RELN: variants seen among roughly 807,000 people sequenced by gnomAD.
The protein encoded by RELN is reelin.
In RELN, 108 loss-of-function variants were observed where a neutral mutation model predicts 427.6. That is an observed-to-expected ratio of 0.25 (90% CI 0.22 to 0.30). The LOEUF (loss-of-function observed/expected upper bound fraction) is 0.30, where lower values mean the gene tolerates loss of function less well. Ranked by LOEUF, RELN falls within the 10% of genes least tolerant of loss-of-function variation. The pLI is 1.00. For missense variants in RELN, 3,715 were observed against 4,302.8 expected, an observed-to-expected ratio of 0.86 and a Z score of 3.82; for synonymous variants, 1,524 against 1,513.4, an observed-to-expected ratio of 1.01 and a Z score of -0.16.
chr7:103,720,748 C>T (rs1303066569), intron 8 of RELN, among the ~76,000 whole-genome samples: 1 of 152,070 alleles, frequency 6.6e-6, no homozygotes, highest in Non-Finnish European at 1.5e-5. Flanking sequence ...TGGATACCCA[C>T]AATTATGGCA....
At chr7:103,891,234 C>G (rs1794842336) in intron 2 of RELN, among the ~76,000 whole-genome samples, 1 of 152,140 alleles carries the variant, frequency 6.6e-6, no homozygotes, top group Admixed American at 6.5e-5. Flanking sequence ...AGAATAAACT[C>G]TTCCATCTTA....
rs1832121066 is a variant in RELN at position 103,617,883 on chromosome 7, T to C, written c.2703-6080A>G. Among the ~76,000 whole-genome samples the C allele has an allele frequency of 5.9e-5, 9 of 152,238 alleles. No homozygotes were observed. The South Asian group carries it at 1.9e-3, about 32-fold the overall frequency. On this transcript the variant is annotated intron_variant, in intron 20 of 64. Transcript: ENST00000428762. ...TTGCTTTATTAGTTTCCCTGAGAGC[T>C]GGTTCTTAGAAACAGCCTGGTACCT...
In RELN at chr7:103,566,590, C is replaced by A; in HGVS notation, c.4747+11G>T. On this transcript the variant is annotated intron_variant, in intron 32 of 64. Coordinates refer to ENST00000428762, the MANE Select transcript of RELN (RefSeq NM_005045.4). ...AAAGCTACCAGAAAGCTGGAGTGAG[C>A]AGTAACTTACCATGTTGCGGTTGCC... 1.9e-6 allele frequency: 3 copies of A among 1,614,006 alleles called. No homozygotes were observed. The highest frequency in any genetic ancestry group is 2.5e-6 in the Non-Finnish European group (3 of 1,179,990).
intron 6 of RELN, among the ~76,000 whole-genome samples, chr7:103,737,921 C>G (rs1208789628): frequency 6.6e-6 from 1 of 151,962 alleles, no homozygotes; most frequent in Non-Finnish European, 1.5e-5. Context: ...TCTTCTTGTA[C>G]CACAGGACCT....
rs188277970 is a variant in RELN, at chr7:103,672,572, G to C, written c.1289+9544C>G. ...AGGAAGTAGTACATCTCTTTTAACA[G>C]CTTGCAACAAGTTTACCCTGATCCA... On this transcript the variant is annotated intron_variant, in intron 11 of 64. Transcript: ENST00000428762. Among the ~76,000 whole-genome samples the C allele has an allele frequency of 1.2e-4, 18 of 152,264 alleles. No homozygotes were observed. The East Asian group carries it at 1.7e-3, about 15-fold the overall frequency.
intron 1 of RELN, among the ~76,000 whole-genome samples, chr7:103,936,099 C>CTTTT (rs57827486): frequency 0.04 from 5,745 of 142,986 alleles, 216 homozygotes; most frequent in Admixed American, 0.077. Flanking sequence ...GCTTCAATGG[C>CTTTT]TTTTTTTTTT....
rs1484701749 is a variant in RELN, at chr7:103,537,778, C to A, written c.7180+1300G>T. Among the ~76,000 whole-genome samples the A allele has an allele frequency of 2.0e-5, 3 of 152,308 alleles. No homozygotes were observed. The East Asian group carries it at 5.8e-4, about 29-fold the overall frequency. On this transcript the variant is annotated intron_variant, in intron 45 of 64. Transcript: ENST00000428762. ...GGTCTGCTCTCAGTTTTAGGAGAACCCCACGTCAGCTTCTTTGCTTCTGCT... is the reference window on the plus strand; with the variant it reads ...GGTCTGCTCTCAGTTTTAGGAGAACACCACGTCAGCTTCTTTGCTTCTGCT...
At chr7:103,884,515 A>C (rs1794680495) in intron 2 of RELN, among the ~76,000 whole-genome samples, 2 of 152,206 alleles carry the variant, frequency 1.3e-5, no homozygotes, top group Admixed American at 1.3e-4. Flanking sequence ...ATGGGAGAAA[A>C]TTTTTGCAAT....
chr7:103,553,570 C>T lies in RELN; in HGVS notation c.5970-7G>A, dbSNP rs755935071. On this transcript the variant is annotated splice_region_variant and splice_polypyrimidine_tract_variant and intron_variant, in intron 39 of 64. Transcript: ENST00000428762. ...CATAGCTGAATCTTCTTCACTGTTA[C>T]ACAGGAAAACAACCAGGAATCCATT... 1 of 1,613,766 alleles carries T rather than the reference C, an allele frequency of 6.2e-7. No individual in the cohort carries two copies. Among genetic ancestry groups the T allele is most frequent in the African/African-American group, 1.3e-5 (1 of 75,044 alleles).
At chr7:103,940,732 A>G (rs912376656) in intron 1 of RELN, among the ~76,000 whole-genome samples, 15 of 152,236 alleles carry the variant, frequency 9.9e-5, no homozygotes, top group Admixed American at 5.9e-4. Context: ...TTCCAGATTC[A>G]ATAAAATTGC....
rs74331622 is a variant in RELN at position 103,722,692 on chromosome 7, G to A, written c.805+448C>T. On this transcript the variant is annotated intron_variant, in intron 8 of 64. Transcript: ENST00000428762. Reference sequence around the variant, plus strand: ...GTCATTGTTTTCATTATCTATGTTTGAATTTAACATAGATTATTTATGCCA... The same window carrying A: ...GTCATTGTTTTCATTATCTATGTTTAAATTTAACATAGATTATTTATGCCA... Among the ~76,000 whole-genome samples, 1,470 of 152,160 alleles carry A rather than the reference G, an allele frequency of 9.7e-3. 27 individuals are homozygous for A. Among genetic ancestry groups the A allele is most frequent in the African/African-American group, 0.033 (1,388 of 41,500 alleles).
At position 103,535,392 on chromosome 7, in the gene RELN, G is replaced by A; in HGVS notation, c.7273C>T (p.His2425Tyr). Reference protein sequence around the residue: ...LPTNVECSRYHLQRILVSDTF... With the variant: ...LPTNVECSRYYLQRILVSDTF... The stretch of plus-strand genomic sequence containing the variant: ...TCTGACACCAGGATCCGTTGCAGAT[G>A]ATAGCGACTGCATTCCACATTGGTA... Residue 2425 changes from histidine (H) to tyrosine (Y), a missense_variant, in exon 46 of 65, where the codon CAT becomes TAT. His to Tyr is a moderately conservative substitution (Grantham distance 83). This residue lies in a region of RELN where 1,310 missense variants were observed against 1,643.0 expected (regional missense o/e 0.80). Transcript: ENST00000428762. 1.2e-6 allele frequency: 2 copies of A among 1,614,086 alleles called. No homozygotes were observed. The highest frequency in any genetic ancestry group is 1.7e-6 in the Non-Finnish European group (2 of 1,179,970).
At chr7:103,482,110 C>A (rs1828262269) in intron 63 of RELN, 1 of 152,104 alleles carries the variant, frequency 6.6e-6, no homozygotes, top group Admixed American at 6.5e-5. Flanking sequence ...AATTTGCTTG[C>A]AAATTGACTG....
At chr7:103,600,864 A>G (rs1392359285) in intron 24 of RELN, among the ~76,000 whole-genome samples, 1 of 152,222 alleles carries the variant, frequency 6.6e-6, no homozygotes, top group Non-Finnish European at 1.5e-5. Context: ...ATAAAATTCA[A>G]CTATGATACC....
intron 8 of RELN, among the ~76,000 whole-genome samples, chr7:103,721,878 C>T (rs573527082): frequency 6.6e-6 from 1 of 152,162 alleles, no homozygotes; most frequent in African/African-American, 2.4e-5. Flanking sequence ...TTGCCTGTCA[C>T]GCTACAGTTA....
chr7:103,885,417 T>A (rs6465941), intron 2 of RELN, among the ~76,000 whole-genome samples: 118,802 of 151,828 alleles, frequency 0.78, 46,535 homozygotes, highest in East Asian at 0.87. Context: ...ATAAAAAAGG[T>A]TGAGTTCATG....
At chr7:103,873,236 G>T (rs1584319555) in intron 2 of RELN, among the ~76,000 whole-genome samples, 1 of 144,228 alleles carries the variant, frequency 6.9e-6, no homozygotes, top group East Asian at 2.2e-4. Flanking sequence ...AGCACTAAAT[G>T]CCCACAAGAG....
In RELN at chr7:103,573,669, T is replaced by C. The variant is rs961493056; in HGVS notation, c.4511+423A>G. ...TTACCAGTAGGTGTCAGTGTAGGCATTTAAAATTTCTGGGGACCATTTTCA... is the reference window on the plus strand; with the variant it reads ...TTACCAGTAGGTGTCAGTGTAGGCACTTAAAATTTCTGGGGACCATTTTCA... On this transcript the variant is annotated intron_variant, in intron 30 of 64. Coordinates refer to ENST00000428762, the MANE Select transcript of RELN (RefSeq NM_005045.4). The surrounding 1 kb of genome is among the most constrained non-coding windows in gnomAD (Gnocchi z 4.4). 7.2e-5 allele frequency among the ~76,000 whole-genome samples: 11 copies of C among 152,234 alleles called. No individual in the cohort carries two copies. Among genetic ancestry groups the C allele is most frequent in the African/African-American group, 2.4e-4 (10 of 41,456 alleles).
At chr7:103,790,322 TATAATA>T (rs999013404) in intron 3 of RELN, among the ~76,000 whole-genome samples, 3 of 152,214 alleles carry the variant, frequency 2.0e-5, no homozygotes, top group South Asian at 2.1e-4. Context: ...ATTCCAGAAC[TATAATA>T]ATAATAATAA....
Sources: gnomAD v4.1 joint callset for allele counts (sites outside exome capture counted in the v4.1 genomes callset) on GRCh38, gnomAD v4.1.1 for gene constraint, gnomAD v4.1.1 regional missense constraint, Gnocchi (gnomAD v3.1) non-coding constraint, MANE v1.5 for transcripts, NCBI Gene and HGNC (gene_info 2026-07-23, HGNC 2026-07-21) for gene names.